Variants in UGT1A10 observed in about 807,000 individuals in gnomAD.
UGT1A10 encodes UDP-glucuronosyltransferase 1A10.
Under a neutral mutation model 45.8 loss-of-function variants are expected in UGT1A10, and 49 were observed. The ratio of observed to expected loss-of-function variants is 1.07; its 90% CI spans 0.85 to 1.36. The LOEUF (loss-of-function observed/expected upper bound fraction) is 1.36, where lower values mean the gene tolerates loss of function less well. Among genes scored for constraint, UGT1A10 ranks in the 40% most tolerant of loss-of-function variants. The pLI is 0.00. For missense variants in UGT1A10, 745 were observed against 668.6 expected, an observed-to-expected ratio of 1.11 and a Z score of -1.26; for synonymous variants, 284 against 249.7, an observed-to-expected ratio of 1.14 and a Z score of -1.29.
chr2:233,660,280 G>T (rs2073938279), intron 1 of UGT1A10, among the ~76,000 whole-genome samples: 1 of 152,106 alleles, frequency 6.6e-6, no homozygotes, highest in African/African-American at 2.4e-5. Context: ...CCTTTCCATA[G>T]AAAACCATGT....
At chr2:233,724,644 G>A (rs1189293479) in intron 1 of UGT1A10, among the ~76,000 whole-genome samples, 6 of 141,164 alleles carry the variant, frequency 4.3e-5, no homozygotes, top group Non-Finnish European at 7.7e-5. Flanking sequence ...ATGTGATGGC[G>A]GCTGGGAAGA....
At chr2:233,638,417 A>G (rs1250337518) in intron 1 of UGT1A10, among the ~76,000 whole-genome samples, 4 of 152,200 alleles carry the variant, frequency 2.6e-5, no homozygotes, top group Non-Finnish European at 5.9e-5. Flanking sequence ...TGTAGTATGC[A>G]TTAGATGTAC....
chr2:233,729,628 C>T (rs1214575776), intron 1 of UGT1A10: 3 of 1,613,774 alleles, frequency 1.9e-6, no homozygotes, highest in East Asian at 4.5e-5. Context: ...CCTGTCGATT[C>T]CTACTGTGTT....
chr2:233,646,155 T>C (rs2073595976), intron 1 of UGT1A10, among the ~76,000 whole-genome samples: 1 of 152,130 alleles, frequency 6.6e-6, no homozygotes, highest in Admixed American at 6.5e-5. Flanking sequence ...GTACTTTGGC[T>C]CCTTTTGGAC....
chr2:233,726,424 A>G (rs540459966), intron 1 of UGT1A10, among the ~76,000 whole-genome samples: 1 of 151,962 alleles, frequency 6.6e-6, no homozygotes, highest in East Asian at 1.9e-4. Flanking sequence ...GATTCTGTCC[A>G]CTCTTAATCT....
Position 233,665,371 on chromosome 2 carries a change from G to A in UGT1A10, c.855+27994G>A, listed in dbSNP as rs56143032. On this transcript the variant is annotated intron_variant, in intron 1 of 4. Transcript: ENST00000344644. ...TTTACATTACTATATTTCCATATTC[G>A]TAGCCTCTGATGAATTCTTCATCAT... is the stretch of plus-strand genomic sequence containing the variant. Among the ~76,000 whole-genome samples, 277 of 151,984 alleles carry A rather than the reference G, an allele frequency of 1.8e-3. 2 individuals carry two copies. Among genetic ancestry groups the A allele is most frequent in the African/African-American group, 6.4e-3 (264 of 41,460 alleles).
At chr2:233,658,322 C>T (rs562847995) in intron 1 of UGT1A10, among the ~76,000 whole-genome samples, 31 of 152,232 alleles carry the variant, frequency 2.0e-4, no homozygotes, top group African/African-American at 7.5e-4. Context: ...CCCATCCTCC[C>T]CTATGGTTAA....
intron 1 of UGT1A10, chr2:233,691,730 A>T (rs1048657443): frequency 1.5e-5 from 12 of 777,576 alleles, no homozygotes; most frequent in Non-Finnish European, 1.9e-5. Context: ...TGGCTGGGCC[A>T]GAAGCAGATA....
At chr2:233,713,647 C>T (rs2076336191) in intron 1 of UGT1A10, 2 of 1,613,856 alleles carry the variant, frequency 1.2e-6, no homozygotes, top group African/African-American at 1.3e-5. Flanking sequence ...TACCCTCTGG[C>T]CCTGTCCTAC....
intron 1 of UGT1A10, among the ~76,000 whole-genome samples, chr2:233,651,120 G>A (rs558087754): frequency 6.8e-4 from 103 of 152,296 alleles, no homozygotes; most frequent in Middle Eastern, 6.8e-3. Flanking sequence ...AAGAACAGGC[G>A]AGGAGATGCA....
rs1040596623 is a variant in UGT1A10, at chr2:233,743,965, G to C, written c.856-23069G>C. ...CAGGCACTGGCACAGCGAGCGGCAA[G>C]GCTGCCAGCACCCAGGCGCAGGCCC... On this transcript the variant is annotated intron_variant, in intron 1 of 4. Transcript: ENST00000344644. 3 of 1,330,116 alleles carry C rather than the reference G, an allele frequency of 2.3e-6. No homozygotes were observed. The African/African-American group carries it at 4.5e-5, about 20-fold the overall frequency. 82.4% of individuals were successfully genotyped at this position (1,330,116 alleles called of 1,614,324 possible). A position where few individuals can be genotyped will look rare whatever the true frequency, so the allele number is the denominator to read the frequency against.
intron 1 of UGT1A10, among the ~76,000 whole-genome samples, chr2:233,694,754 C>CT (rs1277043555): frequency 3.3e-5 from 5 of 152,146 alleles, no homozygotes; most frequent in Admixed American, 1.3e-4. Flanking sequence ...GCAGTAGCCA[C>CT]TGTGAAAAGG....
At chr2:233,724,358 C>A (rs2077236787) in intron 1 of UGT1A10, among the ~76,000 whole-genome samples, 6 of 147,934 alleles carry the variant, frequency 4.1e-5, no homozygotes, top group Non-Finnish European at 3.0e-5. Flanking sequence ...CACCTCCCTC[C>A]CGGACGGGGT....
intron 1 of UGT1A10, among the ~76,000 whole-genome samples, chr2:233,707,630 A>G (rs573795071): frequency 6.6e-6 from 1 of 151,152 alleles, no homozygotes; most frequent in South Asian, 2.1e-4. Flanking sequence ...TACTGAATAT[A>G]TCCCATTGTA....
At chr2:233,760,890 A>G (rs755957493) in intron 1 of UGT1A10, 1 of 1,614,048 alleles carries the variant, frequency 6.2e-7, no homozygotes, top group South Asian at 1.1e-5. Context: ...CCTCTCATTC[A>G]GATCACATGA....
At chr2:233,755,074 C>A in intron 1 of UGT1A10, 1 of 1,336,598 alleles carries the variant, frequency 7.5e-7, no homozygotes, top group Non-Finnish European at 1.0e-6. Flanking sequence ...CCATAGCGGT[C>A]ATAGATATCG....
At chr2:233,753,617 T>A (rs7608038) in intron 1 of UGT1A10, 1 of 152,200 alleles carries the variant, frequency 6.6e-6, no homozygotes, top group African/African-American at 2.4e-5. Flanking sequence ...AGGTCTTCAT[T>A]TGGGGCATAA....
At chr2:233,729,400 C>T in intron 1 of UGT1A10, 2 of 1,613,754 alleles carry the variant, frequency 1.2e-6, no homozygotes, top group South Asian at 2.2e-5. Context: ...ATTTGATCGC[C>T]ATGTGCTGGG....
chr2:233,729,232 A>T, intron 1 of UGT1A10: 1 of 1,614,202 alleles, frequency 6.2e-7, no homozygotes, highest in African/African-American at 1.3e-5. Flanking sequence ...GGTGGTGCCC[A>T]TTGATGGCAG....
Sources: allele counts gnomAD v4.1 joint callset (sites outside exome capture counted in the v4.1 genomes callset), GRCh38; gene constraint gnomAD v4.1.1; transcripts MANE v1.5; gene names NCBI Gene and HGNC (gene_info 2026-07-23, HGNC 2026-07-21).